Variants in CC2D1B observed in about 807,000 individuals in gnomAD.
The protein encoded by CC2D1B is coiled-coil and C2 domain containing 1B, also known as coiled-coil and C2 domain-containing protein 1B.
In CC2D1B, 92 loss-of-function variants were observed where a neutral mutation model predicts 110.8. That is an observed-to-expected ratio of 0.83 (90% CI 0.70 to 0.99). CC2D1B has a LOEUF of 0.99. CC2D1B is among the 50% of genes least tolerant of loss of function. CC2D1B has a pLI of 0.00. For synonymous variants in CC2D1B, 406 were observed against 429.2 expected (o/e 0.95, Z 0.67); for missense variants, 1,136 against 1,089.0 (o/e 1.04, Z -0.61).
intron 21 of CC2D1B, 101 bp downstream of exon 21, chr1:52,355,297 G>A (rs1388926309): frequency 9.2e-6 from 11 of 1,201,392 alleles, no homozygotes; most frequent in Admixed American, 5.8e-5. Context: ...CTCCCAAGTG[G>A]GGTGGATCAA....
chr1:52,357,224 TCTA>T (rs1344057518), intron 15 of CC2D1B, 98 bp from the exon 16 acceptor site: 18 of 1,402,360 alleles, frequency 1.3e-5, no homozygotes, highest in Middle Eastern at 1.8e-4. Context: ...TTCTTCAGCT[TCTA>T]CTAAAGTCCA....
At position 52,354,853 on chromosome 1, in the gene CC2D1B, T is replaced by G; in HGVS notation, c.2326A>C (p.Ile776Leu). Residue 776 changes from isoleucine to leucine, a missense_variant, in exon 22 of 25, where the codon ATC (isoleucine) becomes CTC (leucine). Ile to Leu is a conservative substitution (Grantham distance 5, BLOSUM62 2). Transcript: ENST00000284376. ...VIQSKGIKFEIFHKGSFFRSD... is the reference protein window; with the variant it reads ...VIQSKGIKFELFHKGSFFRSD... ...TAGGAGCCTCACCCTTTGTGGAAGA[T>G]CTCAAACTTGATGCCTTTGCTCTGG... The G allele has an allele frequency of 6.2e-7, 1 of 1,614,142 alleles. No individual in the cohort carries two copies. The highest frequency in any genetic ancestry group is 2.2e-5 in the East Asian group (1 of 44,882).
intron 3 of CC2D1B, among the ~76,000 whole-genome samples, chr1:52,362,049 G>A (rs1307300372): frequency 6.6e-6 from 1 of 152,210 alleles, no homozygotes; most frequent in Admixed American, 6.5e-5. Flanking sequence ...GCAGAGCTAG[G>A]ATTCAAACCT....
At position 52,362,712 on chromosome 1, in the gene CC2D1B, A is replaced by G. The variant is rs11555349; in HGVS notation, c.104T>C (p.Met35Thr). The G allele has an allele frequency of 0.056, 90,675 of 1,613,968 alleles. 3,048 individuals carry two copies. Among genetic ancestry groups the G allele is most frequent in the African/African-American group, 0.13 (9,816 of 74,980 alleles). The change falls in exon 3 of 25, where the codon ATG becomes ACG. Residue 35 changes from methionine (M) to threonine (T), a missense_variant. Transcript: ENST00000284376. Reference protein sequence around the residue: ...GLFMEFGPEDMLLGMDEAEDD... With the variant: ...GLFMEFGPEDTLLGMDEAEDD... ...TTCAGCCTCATCCATGCCCAGCAGC[A>G]TGTCCTCAGGGCCAAACTCCATAAA...
intron 13 of CC2D1B, 166 bp from the exon 14 acceptor site, chr1:52,358,064 T>C (rs1303930198): frequency 3.7e-6 from 4 of 1,071,182 alleles, no homozygotes; most frequent in Non-Finnish European, 3.9e-6. Flanking sequence ...AGAAGCAGCC[T>C]CAGAAGCTCT....
chr1:52,364,535 A>C lies in CC2D1B; in HGVS notation c.69+17T>G, dbSNP rs1404594214. 6.4e-7 allele frequency: 1 copy of C among 1,568,432 alleles called. No individual in the cohort carries two copies. The highest frequency in any genetic ancestry group is 8.7e-7 in the Non-Finnish European group (1 of 1,144,790). Reference sequence around the variant, plus strand: ...TCCCCAAACCGACCCAGTAGCCTAGAAGGCTAAGTTCCATACCTGCTTGGC... The same window carrying C: ...TCCCCAAACCGACCCAGTAGCCTAGCAGGCTAAGTTCCATACCTGCTTGGC... On this transcript the variant is annotated intron_variant, in intron 2 of 24. Coordinates refer to ENST00000284376, the MANE Select transcript of CC2D1B (RefSeq NM_001330585.2).
chr1:52,362,824 T>TGTG, intron 2 of CC2D1B, 78 bp from the exon 3 acceptor site: 1 of 1,463,480 alleles, frequency 6.8e-7, no homozygotes, highest in Non-Finnish European at 9.4e-7. Context: ...CTTGGGGCTC[T>TGTG]CCAAGTCCCA....
In CC2D1B at chr1:52,359,252, G is replaced by A. The variant is rs1223461056; in HGVS notation, c.1124C>T (p.Pro375Leu). The A allele has an allele frequency of 4.3e-6, 7 of 1,612,134 alleles. No homozygotes were observed. The highest frequency in any genetic ancestry group is 5.9e-6 in the Non-Finnish European group (7 of 1,178,932). Residue 375 changes from proline (P) to leucine (L), a missense_variant and splice_region_variant, in exon 10 of 25, where the codon CCA (proline) becomes CTA (leucine). Coordinates refer to ENST00000284376, the MANE Select transcript of CC2D1B (RefSeq NM_001330585.2). Reference sequence around the variant, plus strand: ...ACAGTCCCACCATCCTGCCCTACCTGGGGTTGCTGGGACGTCAGGGGCCAT... The same window carrying A: ...ACAGTCCCACCATCCTGCCCTACCTAGGGTTGCTGGGACGTCAGGGGCCAT... ...PVMAPDVPAT[P>L]VAPTESQTVL...
At chr1:52,363,263 C>T (rs765105709) in intron 2 of CC2D1B, among the ~76,000 whole-genome samples, 26 of 152,048 alleles carry the variant, frequency 1.7e-4, no homozygotes, top group Admixed American at 4.6e-4. Flanking sequence ...GGCGCGGTGG[C>T]GGGCGCCTGT....
chr1:52,360,518 A>G lies in CC2D1B; in HGVS notation c.509T>C (p.Leu170Pro). Residue 170 changes from leucine (L) to proline (P), a missense_variant, in exon 6 of 25, where the codon CTG (leucine) becomes CCG (proline). Coordinates refer to ENST00000284376, the MANE Select transcript of CC2D1B (RefSeq NM_001330585.2). ...TCGGTAGTTGTGAATCCGTTCCTCC[A>G]GCAAAGCGTGTAGCCCCTGAGATGC... The part of the protein sequence containing the change: ...AGASQGLHAL[L>P]EERIHNYREA... 3 of 1,614,104 alleles carry G rather than the reference A, an allele frequency of 1.9e-6. No individual in the cohort carries two copies. The highest frequency in any genetic ancestry group is 2.5e-6 in the Non-Finnish European group (3 of 1,180,028).
Position 52,358,412 on chromosome 1 carries a change from GTCC to G in CC2D1B, c.1377_1379del (p.Glu459del), listed in dbSNP as rs1557547593. On this transcript the variant is annotated inframe_deletion, in exon 13 of 25. Coordinates refer to ENST00000284376, the MANE Select transcript of CC2D1B (RefSeq NM_001330585.2). Reference sequence around the variant, plus strand: ...CAGCTGCCAATGTCGCTGCCACTGCGTCCTCCTCAACACCCATAGTGGACTCCA... The same window carrying G: ...CAGCTGCCAATGTCGCTGCCACTGCGTCCTCAACACCCATAGTGGACTCCA... The G allele has an allele frequency of 1.9e-6, 3 of 1,614,022 alleles. No homozygotes were observed. The highest frequency in any genetic ancestry group is 2.5e-6 in the Non-Finnish European group (3 of 1,180,024).
chr1:52,358,595 G>A (rs1353878102), intron 12 of CC2D1B, 91 bp downstream of exon 12: 27 of 1,560,126 alleles, frequency 1.7e-5, no homozygotes, highest in Non-Finnish European at 2.1e-5. Context: ...GGAGGCAGAC[G>A]CATGAGAAGT....
intron 5 of CC2D1B, 165 bp downstream of exon 5, chr1:52,360,809 C>T: frequency 1.0e-6 from 1 of 974,604 alleles, no homozygotes; most frequent in Non-Finnish European, 1.5e-6. Flanking sequence ...TTGAGGCTGG[C>T]TGCCACGGAG....
intron 7 of CC2D1B, 61 bp from the exon 8 acceptor site, chr1:52,359,944 G>A: frequency 2.5e-6 from 4 of 1,570,184 alleles, no homozygotes; most frequent in East Asian, 4.5e-5. Flanking sequence ...GGTGCCCACG[G>A]ACTTCACTGG....
chr1:52,363,344 A>G (rs777600104), intron 2 of CC2D1B, among the ~76,000 whole-genome samples: 27 of 151,530 alleles, frequency 1.8e-4, no homozygotes, highest in East Asian at 3.9e-4. Context: ...GCAGTGAGCC[A>G]AGATGGCGCC....
At position 52,361,625 on chromosome 1, in the gene CC2D1B, A is replaced by C; in HGVS notation, c.215-9T>G. 1 of 1,613,598 alleles carries C rather than the reference A, an allele frequency of 6.2e-7. No individual in the cohort carries two copies. Among genetic ancestry groups the C allele is most frequent in the Middle Eastern group, 1.6e-4 (1 of 6,062 alleles). On this transcript the variant is annotated splice_polypyrimidine_tract_variant and intron_variant, in intron 3 of 24. Coordinates refer to ENST00000284376, the MANE Select transcript of CC2D1B (RefSeq NM_001330585.2). ...GGCCATGGGCAGGGGGGCTGGGGGAAAAAGGTCACAACAAGTCAGCACAAC... is the reference window on the plus strand; with the variant it reads ...GGCCATGGGCAGGGGGGCTGGGGGACAAAGGTCACAACAAGTCAGCACAAC...
At position 52,360,252 on chromosome 1, in the gene CC2D1B, C is replaced by A. The variant is rs769629145; in HGVS notation, c.604-19G>T. 7 of 1,613,014 alleles carry A rather than the reference C, an allele frequency of 4.3e-6. No individual in the cohort carries two copies. The highest frequency in any genetic ancestry group is 2.7e-5 in the African/African-American group (2 of 74,914). On this transcript the variant is annotated intron_variant, in intron 6 of 24. Coordinates refer to ENST00000284376, the MANE Select transcript of CC2D1B (RefSeq NM_001330585.2). ...CCAAGGTCTGAGGGAGAGAACTGGT[C>A]CAGAAACCCAGCCAGCCATCTCAGC...
Position 52,359,276 on chromosome 1 carries a change from A to G in CC2D1B, c.1100T>C (p.Met367Thr), listed in dbSNP as rs1479802183. ...TGGGGTTGCTGGGACGTCAGGGGCC[A>G]TCACTGGCTGCACTCGCTCCACGGC... ...PPAVERVQPV[M>T]APDVPATPVA... The change falls in exon 10 of 25, where the codon ATG (methionine) becomes ACG (threonine). Residue 367 changes from methionine (M) to threonine (T), a missense_variant. Physicochemically the swap from Met to Thr is moderately conservative, Grantham distance 81. Coordinates refer to ENST00000284376, the MANE Select transcript of CC2D1B (RefSeq NM_001330585.2). 6.2e-7 allele frequency: 1 copy of G among 1,613,026 alleles called. No individual in the cohort carries two copies. Among genetic ancestry groups the G allele is most frequent in the South Asian group, 1.1e-5 (1 of 90,914 alleles).
At position 52,359,364 on chromosome 1, in the gene CC2D1B, G is replaced by T; in HGVS notation, c.1019-7C>A. 1 of 1,612,822 alleles carries T rather than the reference G, an allele frequency of 6.2e-7. No individual in the cohort carries two copies. The highest frequency in any genetic ancestry group is 1.3e-5 in the African/African-American group (1 of 75,036). ...GCCTGCTGGGGCTTCAGATCTGGGG[G>T]ACCCAGAGTAGAGGTGTAGGTGGGA... On this transcript the variant is annotated splice_region_variant and splice_polypyrimidine_tract_variant and intron_variant, in intron 9 of 24. Transcript: ENST00000284376.
Sources: gnomAD v4.1 joint callset for allele counts (sites outside exome capture counted in the v4.1 genomes callset) on GRCh38, gnomAD v4.1.1 for gene constraint, MANE v1.5 for transcripts, NCBI Gene and HGNC (gene_info 2026-07-23, HGNC 2026-07-21) for gene names.